Variants in TSPEAR observed in about 807,000 individuals in gnomAD.
TSPEAR encodes thrombospondin-type laminin G domain and EAR repeat-containing protein.
In TSPEAR, 69 loss-of-function variants were observed where a neutral mutation model predicts 71.6. That is an observed-to-expected ratio of 0.96 (90% CI 0.79 to 1.18). TSPEAR has a LOEUF of 1.18. TSPEAR is among the 50% of genes most tolerant of loss of function. The pLI is 0.00. For synonymous variants in TSPEAR, 402 were observed against 387.2 expected (o/e 1.04, Z -0.45); for missense variants, 971 against 894.9 (o/e 1.09, Z -1.09).
Position 44,546,446 on chromosome 21 carries a change from T to A in TSPEAR, c.304-12523A>T, listed in dbSNP as rs2053305539. Reference sequence around the variant, plus strand: ...GCCTCCCAGGTTCCCACCATTCTCCTGCCTCAGCCTCCTGAGTAGCTGGGA... The same window carrying A: ...GCCTCCCAGGTTCCCACCATTCTCCAGCCTCAGCCTCCTGAGTAGCTGGGA... On this transcript the variant is annotated intron_variant, in intron 2 of 11. Coordinates refer to ENST00000323084, the MANE Select transcript of TSPEAR (RefSeq NM_144991.3). The surrounding 1 kb of genome is among the most constrained non-coding windows in gnomAD (Gnocchi z 4.4). Among the ~76,000 whole-genome samples the A allele has an allele frequency of 6.6e-6, 1 of 152,210 alleles. No individual in the cohort carries two copies. The highest frequency in any genetic ancestry group is 6.5e-5 in the Admixed American group (1 of 15,274).
chr21:44,668,362 C>T (rs1436469962), intron 1 of TSPEAR, among the ~76,000 whole-genome samples: 1 of 151,900 alleles, frequency 6.6e-6, no homozygotes, highest in Non-Finnish European at 1.5e-5. Flanking sequence ...AATTGTGTAA[C>T]AAAAACTACA....
intron 1 of TSPEAR, among the ~76,000 whole-genome samples, chr21:44,648,334 G>A (rs1984562771): frequency 1.3e-5 from 2 of 152,226 alleles, no homozygotes; most frequent in South Asian, 4.1e-4. Flanking sequence ...TCCTCAGGAG[G>A]CTGGGAGGGC....
At chr21:44,682,112 G>T in intron 1 of TSPEAR, 2 of 1,613,736 alleles carry the variant, frequency 1.2e-6, no homozygotes, top group Non-Finnish European at 1.7e-6. Flanking sequence ...AGGAGCAGCT[G>T]GTGTGGCACA....
intron 2 of TSPEAR, among the ~76,000 whole-genome samples, chr21:44,550,044 G>C (rs587608521): frequency 2.6e-5 from 4 of 152,362 alleles, no homozygotes; most frequent in African/African-American, 9.6e-5. Flanking sequence ...GCCACCCCCC[G>C]GGACAGCCCC....
At chr21:44,504,916 C>G (rs1555911718) in intron 10 of TSPEAR, 35 bp from the exon 11 acceptor site, 2 of 1,535,464 alleles carry the variant, frequency 1.3e-6, no homozygotes, top group Admixed American at 3.4e-5. Flanking sequence ...TAGGACACAA[C>G]AGACATCGCC....
chr21:44,527,763 C>CT (rs2052886879), intron 6 of TSPEAR, among the ~76,000 whole-genome samples: 2 of 152,318 alleles, frequency 1.3e-5, no homozygotes, highest in East Asian at 3.9e-4. Context: ...GGGTTGTGGC[C>CT]TTGTTAAAAG....
At chr21:44,666,513 C>A (rs1167945872) in intron 1 of TSPEAR, 1 of 1,612,624 alleles carries the variant, frequency 6.2e-7, no homozygotes, top group Non-Finnish European at 8.5e-7. Flanking sequence ...GGGCTGGCAG[C>A]ACCCAGAGGA....
At chr21:44,705,903 C>G (rs1326279923) in intron 1 of TSPEAR, among the ~76,000 whole-genome samples, 6 of 152,192 alleles carry the variant, frequency 3.9e-5, no homozygotes, top group African/African-American at 7.2e-5. Flanking sequence ...TTGAAACTCC[C>G]TAATAAAAAC....
At chr21:44,579,715 T>C (rs1366394573) in intron 1 of TSPEAR, 1 of 1,580,614 alleles carries the variant, frequency 6.3e-7, no homozygotes, top group South Asian at 1.2e-5. Flanking sequence ...CAGTTGGCCC[T>C]GGGGGATGTG....
rs980220023 is a variant in TSPEAR, at chr21:44,534,034, G to A, written c.304-111C>T. 15 of 805,424 alleles carry A rather than the reference G, an allele frequency of 1.9e-5. No homozygotes were observed. In the East Asian group the frequency reaches 3.5e-4, roughly 19 times the overall value. The allele number at this position is 805,424 out of a possible 1,614,324, so 49.9% of individuals were successfully genotyped here. A position where few individuals can be genotyped will look rare whatever the true frequency, so the allele number is the denominator to read the frequency against. ...GAGCACAGGTGGTGAGAGGAGCAGG[G>A]GCTGACTGGAGGGGCGAGGTGAGGG... On this transcript the variant is annotated intron_variant, in intron 2 of 11. Coordinates refer to ENST00000323084, the MANE Select transcript of TSPEAR (RefSeq NM_144991.3).
intron 1 of TSPEAR, among the ~76,000 whole-genome samples, chr21:44,588,311 C>G (rs1177472073): frequency 6.6e-6 from 1 of 152,170 alleles, no homozygotes; most frequent in Admixed American, 6.5e-5. Context: ...AAATGCAAAT[C>G]AAAACCACAA....
chr21:44,593,315 C>T lies in TSPEAR; in HGVS notation c.83-25310G>A, dbSNP rs1402553223. On this transcript the variant is annotated intron_variant, in intron 1 of 11. Transcript: ENST00000323084. This position sits in a 1 kb window ranked among gnomAD's most constrained non-coding sequence, Gnocchi z 5.9. ...GGCTGCCCGTCAGCCCCCACCCAGC[C>T]TCCTGCTGGGCCCATTTCCCAGCCC... Among the ~76,000 whole-genome samples the T allele has an allele frequency of 6.6e-6, 1 of 152,208 alleles. No homozygotes were observed. The highest frequency in any genetic ancestry group is 2.4e-5 in the African/African-American group (1 of 41,458).
intron 1 of TSPEAR, chr21:44,637,244 C>A: frequency 1.2e-6 from 1 of 849,186 alleles, no homozygotes; most frequent in African/African-American, 1.7e-5. Context: ...TAATGAGGGT[C>A]CTCCCGGCTC....
At chr21:44,511,389 TACATGCAC>T (rs1490913465) in intron 9 of TSPEAR, among the ~76,000 whole-genome samples, 4 of 152,244 alleles carry the variant, frequency 2.6e-5, no homozygotes, top group Non-Finnish European at 5.9e-5. Context: ...CTTACATTTT[TACATGCAC>T]AGATGCACAT....
At chr21:44,641,486 G>A (rs964387228) in intron 1 of TSPEAR, among the ~76,000 whole-genome samples, 2 of 152,192 alleles carry the variant, frequency 1.3e-5, no homozygotes, top group Admixed American at 6.5e-5. Flanking sequence ...AAGCCAAGAA[G>A]AGCCTGAGAT....
At chr21:44,571,861 G>A (rs781845818) in intron 1 of TSPEAR, among the ~76,000 whole-genome samples, 11 of 152,296 alleles carry the variant, frequency 7.2e-5, no homozygotes, top group Middle Eastern at 3.4e-3. Context: ...TCCTCCTCCC[G>A]GGAGAATTTC....
chr21:44,662,526 C>A (rs898583829), intron 1 of TSPEAR, among the ~76,000 whole-genome samples: 21 of 152,144 alleles, frequency 1.4e-4, no homozygotes, highest in Non-Finnish European at 2.8e-4. Context: ...ACAGATAAAT[C>A]AGATTTGTCA....
At chr21:44,507,426 C>T (rs1289441604) in intron 10 of TSPEAR, among the ~76,000 whole-genome samples, 1 of 152,226 alleles carries the variant, frequency 6.6e-6, no homozygotes, top group East Asian at 1.9e-4. Context: ...CACATCACGT[C>T]TCCGGGAAGT....
At chr21:44,570,378 A>G (rs2053775550) in intron 1 of TSPEAR, among the ~76,000 whole-genome samples, 1 of 152,170 alleles carries the variant, frequency 6.6e-6, no homozygotes, top group African/African-American at 2.4e-5. Flanking sequence ...AGTCCCTGAC[A>G]CAGCCTCGGC....
Sources: gnomAD v4.1 joint callset for allele counts (sites outside exome capture counted in the v4.1 genomes callset) on GRCh38, gnomAD v4.1.1 for gene constraint, Gnocchi (gnomAD v3.1) non-coding constraint, MANE v1.5 for transcripts, NCBI Gene and HGNC (gene_info 2026-07-23, HGNC 2026-07-21) for gene names.